ERC2: variants seen among roughly 807,000 people sequenced by gnomAD.
The protein encoded by ERC2 is ELKS/RAB6-interacting/CAST family member 2.
Under a neutral mutation model 114.8 loss-of-function variants are expected in ERC2, and 42 were observed. That is an observed-to-expected ratio of 0.37 (90% CI 0.29 to 0.47). ERC2 has a LOEUF of 0.47. Among genes scored for constraint, ERC2 ranks in the 20% least tolerant of loss-of-function variants. ERC2 has a pLI of 0.99. For missense variants in ERC2, 939 were observed against 1,150.7 expected, an observed-to-expected ratio of 0.82 and a Z score of 2.66; for synonymous variants, 454 against 425.5, an observed-to-expected ratio of 1.07 and a Z score of -0.82.
At chr3:55,585,848 T>C (rs1179410000) in intron 17 of ERC2, among the ~76,000 whole-genome samples, 2 of 152,148 alleles carry the variant, frequency 1.3e-5, no homozygotes, top group Admixed American at 1.3e-4. Context: ...AAATGAAAGA[T>C]CCACAAACAA....
intron 1 of ERC2, among the ~76,000 whole-genome samples, chr3:56,452,152 C>A (rs2062852474): frequency 6.6e-6 from 1 of 152,216 alleles, no homozygotes; most frequent in Non-Finnish European, 1.5e-5. Flanking sequence ...AGCACAGCAC[C>A]ATGCCCATTG....
intron 17 of ERC2, among the ~76,000 whole-genome samples, chr3:55,640,592 T>C (rs2060136298): frequency 6.6e-6 from 1 of 152,160 alleles, no homozygotes; most frequent in Non-Finnish European, 1.5e-5. Context: ...AACCAGTCCA[T>C]GATAAGGTTG....
At chr3:55,552,364 C>T (rs566682315) in intron 17 of ERC2, among the ~76,000 whole-genome samples, 28 of 152,238 alleles carry the variant, frequency 1.8e-4, no homozygotes, top group African/African-American at 6.7e-4. Flanking sequence ...TTTCATGTTG[C>T]ACCCGCCTGC....
intron 3 of ERC2, among the ~76,000 whole-genome samples, chr3:56,294,145 T>C (rs945942615): frequency 6.6e-6 from 1 of 152,272 alleles, no homozygotes; most frequent in Admixed American, 6.5e-5. Context: ...CAGTAATTGT[T>C]GCTCCTCTTC....
intron 13 of ERC2, among the ~76,000 whole-genome samples, chr3:55,897,935 C>T (rs1430124104): frequency 6.6e-6 from 1 of 152,164 alleles, no homozygotes; most frequent in Non-Finnish European, 1.5e-5. Context: ...AGGAGCTTTG[C>T]TTACATTGGT....
At chr3:56,215,089 G>A (rs989158617) in intron 3 of ERC2, among the ~76,000 whole-genome samples, 8 of 152,102 alleles carry the variant, frequency 5.3e-5, no homozygotes, top group Non-Finnish European at 1.0e-4. Context: ...ATCAACTAAC[G>A]AGCAAAATAA....
intron 6 of ERC2, among the ~76,000 whole-genome samples, chr3:56,111,282 CCT>C (rs951399745): frequency 1.3e-5 from 2 of 151,518 alleles, no homozygotes; most frequent in African/African-American, 4.8e-5. Context: ...TCTCTCGCTC[CCT>C]CTTTCTCTCT....
At chr3:56,202,308 C>T (rs933502497) in intron 3 of ERC2, among the ~76,000 whole-genome samples, 5 of 152,146 alleles carry the variant, frequency 3.3e-5, no homozygotes, top group Admixed American at 1.3e-4. Flanking sequence ...ATCCAAAACA[C>T]ATTAAACACG....
At chr3:55,966,479 T>C (rs1173146139) in intron 12 of ERC2, among the ~76,000 whole-genome samples, 2 of 152,158 alleles carry the variant, frequency 1.3e-5, no homozygotes, top group African/African-American at 4.8e-5. Flanking sequence ...AATGTAGCAT[T>C]TGATCAGCAT....
chr3:56,377,143 T>C (rs955746073), intron 2 of ERC2, among the ~76,000 whole-genome samples: 2 of 152,182 alleles, frequency 1.3e-5, no homozygotes, highest in Admixed American at 6.5e-5. Context: ...TCTAGTACAG[T>C]GCCTGCCACA....
intron 10 of ERC2, among the ~76,000 whole-genome samples, chr3:55,998,124 G>C (rs2071740749): frequency 6.6e-6 from 1 of 150,914 alleles, no homozygotes; most frequent in Non-Finnish European, 1.5e-5. Context: ...ACTGCATTCA[G>C]AATATTCAAA....
intron 5 of ERC2, among the ~76,000 whole-genome samples, chr3:56,143,220 T>A (rs912903209): frequency 1.3e-5 from 2 of 152,214 alleles, no homozygotes; most frequent in African/African-American, 2.4e-5. Context: ...CTACAATCCC[T>A]CATCTTAAGT....
At chr3:55,899,028 G>A (rs552788716) in intron 13 of ERC2, among the ~76,000 whole-genome samples, 2 of 152,302 alleles carry the variant, frequency 1.3e-5, no homozygotes, top group African/African-American at 4.8e-5. Flanking sequence ...ACCAGGAAAT[G>A]AATTCTTAAC....
At chr3:56,201,277 C>T (rs1409739003) in intron 3 of ERC2, among the ~76,000 whole-genome samples, 2 of 152,164 alleles carry the variant, frequency 1.3e-5, no homozygotes, top group Non-Finnish European at 2.9e-5. Flanking sequence ...CCTCTGTATC[C>T]CTTCTGTGTC....
chr3:56,252,447 A>T (rs1394153417), intron 3 of ERC2, among the ~76,000 whole-genome samples: 3 of 152,152 alleles, frequency 2.0e-5, no homozygotes, highest in Admixed American at 6.5e-5. Flanking sequence ...TACGCATAAA[A>T]TAATAGCTTT....
At chr3:55,683,376 A>C (rs955761056) in intron 17 of ERC2, among the ~76,000 whole-genome samples, 1 of 152,216 alleles carries the variant, frequency 6.6e-6, no homozygotes, top group Non-Finnish European at 1.5e-5. Context: ...CATTTGACAC[A>C]ACCAGAAGGA....
intron 17 of ERC2, among the ~76,000 whole-genome samples, chr3:55,671,158 CATT>C (rs1272941826): frequency 1.3e-5 from 2 of 152,140 alleles, no homozygotes. Context: ...TACAGATCAT[CATT>C]AACAGATGAA....
intron 3 of ERC2, among the ~76,000 whole-genome samples, chr3:56,181,599 C>T (rs2083290705): frequency 6.6e-6 from 1 of 152,204 alleles, no homozygotes; most frequent in Non-Finnish European, 1.5e-5. Flanking sequence ...TAGTTTAAAT[C>T]ATGTCCACAA....
intron 14 of ERC2, among the ~76,000 whole-genome samples, chr3:55,742,546 A>C (rs1477771895): frequency 6.6e-6 from 1 of 152,242 alleles, no homozygotes; most frequent in Non-Finnish European, 1.5e-5. Flanking sequence ...ATAATGACAT[A>C]TAAGAGAAAG....
Sources: gnomAD v4.1 joint callset for allele counts (sites outside exome capture counted in the v4.1 genomes callset) on GRCh38, gnomAD v4.1.1 for gene constraint, MANE v1.5 for transcripts, NCBI Gene and HGNC (gene_info 2026-07-23, HGNC 2026-07-21) for gene names.